The following NEDD4L variants were observed in gnomAD, a reference collection of about 807,000 sequenced individuals.
The protein encoded by NEDD4L is E3 ubiquitin-protein ligase NEDD4-like.
Under a neutral mutation model 148.9 loss-of-function variants are expected in NEDD4L, and 54 were observed. The ratio of observed to expected loss-of-function variants is 0.36; its 90% CI spans 0.29 to 0.45. The LOEUF (loss-of-function observed/expected upper bound fraction) is 0.45, where lower values mean the gene tolerates loss of function less well. Among genes scored for constraint, NEDD4L ranks in the 20% least tolerant of loss-of-function variants. The probability of loss-of-function intolerance (pLI) is 1.00; values close to 1 mark genes in which losing one functional copy is unlikely to be tolerated. For synonymous variants in NEDD4L, 433 were observed against 440.7 expected (o/e 0.98, Z 0.22); for missense variants, 856 against 1,233.8 (o/e 0.69, Z 4.59).
At chr18:58,255,339 A>T in intron 5 of NEDD4L, 1 of 269,896 alleles carries the variant, frequency 3.7e-6, no homozygotes, top group Non-Finnish European at 6.6e-6. Context: ...AAGAGCGAGT[A>T]GGGGAAAACT....
intron 1 of NEDD4L, among the ~76,000 whole-genome samples, chr18:58,115,766 C>T (rs1227088561): frequency 6.6e-6 from 1 of 152,186 alleles, no homozygotes; most frequent in African/African-American, 2.4e-5. Flanking sequence ...CAGAGGGGAG[C>T]ACTTCCCGGA....
At chr18:58,291,738 C>G (rs1367254914) in intron 5 of NEDD4L, among the ~76,000 whole-genome samples, 1 of 152,144 alleles carries the variant, frequency 6.6e-6, no homozygotes, top group African/African-American at 2.4e-5. Flanking sequence ...AAGGACAAAA[C>G]ATTTGCCACT....
intron 19 of NEDD4L, chr18:58,360,157 G>A (rs566550572): frequency 6.6e-6 from 1 of 152,212 alleles, no homozygotes; most frequent in South Asian, 2.1e-4. Flanking sequence ...TTACAATTTC[G>A]CTATCATCAT....
At chr18:58,291,147 GACCAGCCCACA>G (rs2054677561) in intron 5 of NEDD4L, among the ~76,000 whole-genome samples, 1 of 148,564 alleles carries the variant, frequency 6.7e-6, no homozygotes, top group Non-Finnish European at 1.5e-5. Flanking sequence ...GAACCAGGCC[GACCAGCCCACA>G]TGGTCACACA....
At chr18:58,175,402 C>G (rs1398147987) in intron 2 of NEDD4L, among the ~76,000 whole-genome samples, 2 of 152,264 alleles carry the variant, frequency 1.3e-5, no homozygotes, top group East Asian at 1.9e-4. Flanking sequence ...TGGACTTGTC[C>G]TCTGCACTGT....
chr18:58,391,703 G>A, intron 30 of NEDD4L, 144 bp downstream of exon 30: 5 of 654,582 alleles, frequency 7.6e-6, no homozygotes, highest in Non-Finnish European at 1.1e-5. Context: ...GATGAAAATA[G>A]AAATTGTACA....
intron 1 of NEDD4L, among the ~76,000 whole-genome samples, chr18:58,139,559 A>T (rs1219697982): frequency 4.6e-5 from 7 of 152,238 alleles, no homozygotes; most frequent in Admixed American, 1.3e-4. Flanking sequence ...AACAAAATAC[A>T]GAAAAAAGCA....
Position 58,303,088 on chromosome 18 carries a change from A to G in NEDD4L, c.298-12894A>G, listed in dbSNP as rs540032029. Among the ~76,000 whole-genome samples the G allele has an allele frequency of 7.9e-5, 12 of 152,340 alleles. No homozygotes were observed. The South Asian group carries it at 2.1e-3, about 26-fold the overall frequency. On this transcript the variant is annotated intron_variant, in intron 5 of 30. Coordinates refer to ENST00000400345, the MANE Select transcript of NEDD4L (RefSeq NM_001144967.3). Reference sequence around the variant, plus strand: ...CTGCTCCTGGGGCCTTACTTGACTCATCCTGGTGGGTTTTCCAAATGGCAG... The same window carrying G: ...CTGCTCCTGGGGCCTTACTTGACTCGTCCTGGTGGGTTTTCCAAATGGCAG...
chr18:58,341,810 C>T lies in NEDD4L; in HGVS notation c.1377+13C>T, dbSNP rs938301891. On this transcript the variant is annotated intron_variant, in intron 15 of 30. Transcript: ENST00000400345. The stretch of plus-strand genomic sequence containing the variant: ...TGCCCCGCTGGAGGTGAGACGGCTA[C>T]CTCATCTAACTGGACTCACTCTGTC... The T allele has an allele frequency of 1.2e-6, 2 of 1,609,626 alleles. No individual in the cohort carries two copies. Among genetic ancestry groups the T allele is most frequent in the Admixed American group, 1.7e-5 (1 of 59,556 alleles).
chr18:58,097,258 G>A (rs1212849683), intron 1 of NEDD4L, among the ~76,000 whole-genome samples: 4 of 152,202 alleles, frequency 2.6e-5, no homozygotes, highest in Non-Finnish European at 5.9e-5. Context: ...GCCAAGTGCT[G>A]TTAAGAACAT....
intron 2 of NEDD4L, chr18:58,195,716 C>T (rs1293239391): frequency 2.2e-6 from 3 of 1,352,048 alleles, no homozygotes; most frequent in East Asian, 9.1e-5. Flanking sequence ...CAGACGAGCT[C>T]TTCCTGCCTG....
rs2039433330 is a variant in NEDD4L, at chr18:58,186,013, A to ATATGCACACGCATACAGAGAAGGATACG, written c.122+20164_122+20191dup. 4.6e-5 allele frequency among the ~76,000 whole-genome samples: 7 copies of ATATGCACACGCATACAGAGAAGGATACG among 151,802 alleles called. No individual in the cohort carries two copies. In the South Asian group the frequency reaches 1.5e-3, roughly 32 times the overall value. The stretch of plus-strand genomic sequence containing the variant: ...GTACAGAGAAGGATGCAACAGATAC[A>ATATGCACACGCATACAGAGAAGGATACG]TATGCACACGCATACAGAGAAGGAT... On this transcript the variant is annotated intron_variant, in intron 2 of 30. Coordinates refer to ENST00000400345, the MANE Select transcript of NEDD4L (RefSeq NM_001144967.3).
chr18:58,299,124 A>G (rs948703826), intron 5 of NEDD4L, among the ~76,000 whole-genome samples: 4 of 152,238 alleles, frequency 2.6e-5, no homozygotes, highest in African/African-American at 9.6e-5. Flanking sequence ...TCTGAAGTGT[A>G]TGATTCTGTT....
intron 28 of NEDD4L, 188 bp from the exon 29 acceptor site, chr18:58,390,458 C>G (rs2049659387): frequency 2.0e-6 from 1 of 496,716 alleles, no homozygotes; most frequent in Non-Finnish European, 3.6e-6. Flanking sequence ...ACATTGTGAT[C>G]ACTCAGTCTC....
chr18:58,068,660 G>A lies in NEDD4L; in HGVS notation c.48+23952G>A, dbSNP rs2082727038. ...TTGTACCACTCAGAGAAAAATGTGA[G>A]CATTTCTCTACTGTCTTGGGTTGGT... On this transcript the variant is annotated intron_variant, in intron 1 of 30. Transcript: ENST00000400345. Among the ~76,000 whole-genome samples the A allele has an allele frequency of 2.0e-5, 3 of 152,330 alleles. 1 individual carries two copies. The South Asian group carries it at 6.2e-4, about 32-fold the overall frequency.
At chr18:58,234,872 G>C (rs1331335183) in intron 2 of NEDD4L, among the ~76,000 whole-genome samples, 1 of 152,122 alleles carries the variant, frequency 6.6e-6, no homozygotes. Context: ...GGTGTCACCT[G>C]GGGGGCTGCC....
At chr18:58,341,279 A>G in intron 14 of NEDD4L, 110 bp downstream of exon 14, 3 of 1,267,650 alleles carry the variant, frequency 2.4e-6, no homozygotes, top group Non-Finnish European at 3.2e-6. Flanking sequence ...CCGTATTTGT[A>G]AAAGCTTTCT....
At chr18:58,232,466 CTT>C (rs1327781081) in intron 2 of NEDD4L, among the ~76,000 whole-genome samples, 1 of 152,194 alleles carries the variant, frequency 6.6e-6, no homozygotes, top group Non-Finnish European at 1.5e-5. Flanking sequence ...CCAGCCAAGA[CTT>C]TTAATGCTGA....
chr18:58,259,546 A>G (rs1045004008), intron 5 of NEDD4L, among the ~76,000 whole-genome samples: 2 of 152,180 alleles, frequency 1.3e-5, no homozygotes, highest in African/African-American at 4.8e-5. Context: ...TTTTGTGCAT[A>G]ATAACTGTGA....
Sources: gnomAD v4.1 joint callset for allele counts (sites outside exome capture counted in the v4.1 genomes callset) on GRCh38, gnomAD v4.1.1 for gene constraint, MANE v1.5 for transcripts, NCBI Gene and HGNC (gene_info 2026-07-23, HGNC 2026-07-21) for gene names.